RPS6KA2: variants seen among roughly 807,000 people sequenced by gnomAD.
The protein encoded by RPS6KA2 is ribosomal protein S6 kinase A2.
RPS6KA2 carries 42 observed loss-of-function variants against 91.8 expected under a neutral mutation model. The observed-to-expected ratio is 0.46, with a 90% CI of 0.36 to 0.59. The LOEUF is 0.59. Ranked by LOEUF, RPS6KA2 falls within the 20% of genes least tolerant of loss-of-function variation. RPS6KA2 has a pLI of 0.00. For synonymous variants in RPS6KA2, 414 were observed against 393.6 expected (o/e 1.05, Z -0.61); for missense variants, 798 against 978.5 (o/e 0.82, Z 2.46).
At chr6:166,522,592 G>C (rs766459974) in intron 3 of RPS6KA2, among the ~76,000 whole-genome samples, 1 of 152,150 alleles carries the variant, frequency 6.6e-6, no homozygotes, top group Admixed American at 6.5e-5. Flanking sequence ...GTGCTAGCTC[G>C]GTCTCCCCCA....
Position 166,691,180 on chromosome 6 carries a change from T to C in RPS6KA2, c.124-152396A>G, listed in dbSNP as rs546682899. Among the ~76,000 whole-genome samples the C allele has an allele frequency of 1.4e-3, 217 of 152,272 alleles. 1 individual carries two copies. Among genetic ancestry groups the C allele is most frequent in the African/African-American group, 4.4e-3 (181 of 41,562 alleles). On this transcript the variant is annotated intron_variant, in intron 2 of 21. Transcript: ENST00000503859. ...ACCTGACTCTGCCATCTGATTGCCC[T>C]GAAAATTACGGCCCCGGGTTCTAGC...
chr6:166,657,991 C>A (rs1335295303), intron 2 of RPS6KA2, among the ~76,000 whole-genome samples: 2 of 152,206 alleles, frequency 1.3e-5, no homozygotes, highest in Non-Finnish European at 2.9e-5. Context: ...TCAAGCGAGT[C>A]TCATGGCTCA....
chr6:166,413,955 CG>C, intron 19 of RPS6KA2, 24 bp from the exon 20 acceptor site: 5 of 1,607,818 alleles, frequency 3.1e-6, no homozygotes, highest in Non-Finnish European at 1.7e-6. Context: ...TCATGAGAGT[CG>C]GGGGGATGGT....
At chr6:166,422,988 G>A (rs1262350727) in intron 17 of RPS6KA2, among the ~76,000 whole-genome samples, 6 of 152,196 alleles carry the variant, frequency 3.9e-5, no homozygotes, top group African/African-American at 1.4e-4. Flanking sequence ...CATCCAAATT[G>A]TCTACAGAAG....
chr6:166,631,644 G>A (rs886913346), upstream of RPS6KA2, among the ~76,000 whole-genome samples: 9 of 151,710 alleles, frequency 5.9e-5, no homozygotes, highest in Middle Eastern at 3.2e-3. Context: ...ATTTTTTTTC[G>A]TCCCTCTGCC....
At chr6:166,467,139 CTCAT>C (rs542208993) in intron 11 of RPS6KA2, among the ~76,000 whole-genome samples, 1 of 152,078 alleles carries the variant, frequency 6.6e-6, no homozygotes, top group Non-Finnish European at 1.5e-5. Flanking sequence ...CACTCATTAA[CTCAT>C]TCATTCACTC....
chr6:166,855,154 A>G (rs551415803), intron 2 of RPS6KA2, among the ~76,000 whole-genome samples: 1 of 152,258 alleles, frequency 6.6e-6, no homozygotes, highest in Admixed American at 6.5e-5. Flanking sequence ...ATAGAGGGGG[A>G]AGAGTAAACA....
chr6:166,470,660 C>T (rs886569527), intron 10 of RPS6KA2, among the ~76,000 whole-genome samples: 1 of 152,094 alleles, frequency 6.6e-6, no homozygotes, highest in Non-Finnish European at 1.5e-5. Context: ...CGCCACTGTC[C>T]CCCCAGAACG....
intron 2 of RPS6KA2, among the ~76,000 whole-genome samples, chr6:166,706,704 C>A (rs1199123784): frequency 6.6e-6 from 1 of 152,172 alleles, no homozygotes; most frequent in African/African-American, 2.4e-5. Context: ...ACGCACAGTA[C>A]CCAGGGGGAA....
chr6:166,797,621 AG>A (rs910448537), intron 2 of RPS6KA2, among the ~76,000 whole-genome samples: 6 of 152,148 alleles, frequency 3.9e-5, no homozygotes, highest in African/African-American at 1.4e-4. Context: ...ATCCTCATAC[AG>A]GTCTTCATCC....
intron 2 of RPS6KA2, among the ~76,000 whole-genome samples, chr6:166,678,739 CG>C (rs1463532766): frequency 1.3e-5 from 2 of 152,142 alleles, no homozygotes; most frequent in Admixed American, 1.3e-4. Flanking sequence ...GGCTGGCAAG[CG>C]ACAAAGAAAG....
chr6:166,669,423 T>C (rs1788412013), intron 2 of RPS6KA2, among the ~76,000 whole-genome samples: 1 of 152,194 alleles, frequency 6.6e-6, no homozygotes, highest in Non-Finnish European at 1.5e-5. Context: ...GTCAACACAC[T>C]GTCTGATCCC....
At chr6:166,623,085 TCA>T (rs1340309660) in intron 1 of RPS6KA2, among the ~76,000 whole-genome samples, 2 of 152,248 alleles carry the variant, frequency 1.3e-5, no homozygotes, top group Non-Finnish European at 2.9e-5. Context: ...TCTTCCTCAT[TCA>T]CTCCCTACTG....
intron 2 of RPS6KA2, among the ~76,000 whole-genome samples, chr6:166,673,651 A>G (rs1265181377): frequency 6.6e-6 from 1 of 152,286 alleles, no homozygotes; most frequent in Non-Finnish European, 1.5e-5. Context: ...CGCAGCCTGC[A>G]GGCGGCACGC....
intron 2 of RPS6KA2, among the ~76,000 whole-genome samples, chr6:166,850,051 C>T (rs984146540): frequency 6.6e-6 from 1 of 152,190 alleles, no homozygotes; most frequent in South Asian, 2.1e-4. Context: ...TTGGTGGCCA[C>T]TCAACGTGCA....
chr6:166,714,537 G>A (rs114795503), intron 2 of RPS6KA2, among the ~76,000 whole-genome samples: 26 of 152,336 alleles, frequency 1.7e-4, no homozygotes, highest in African/African-American at 6.0e-4. Context: ...TCACTGGGGT[G>A]AGCCCTAACT....
intron 1 of RPS6KA2, among the ~76,000 whole-genome samples, chr6:166,547,180 G>C (rs1343654373): frequency 6.6e-6 from 1 of 152,190 alleles, no homozygotes. Flanking sequence ...TGGGGTAAGA[G>C]AGGCCGGTGA....
rs1784131733 is a variant in RPS6KA2 at position 166,554,849 on chromosome 6, T to C, written c.100-16065A>G. ...CCACAGCAAGTCAGAAATACAGAGATTGCCCACCGCATGAAAAATGTCTCC... is the reference window on the plus strand; with the variant it reads ...CCACAGCAAGTCAGAAATACAGAGACTGCCCACCGCATGAAAAATGTCTCC... On this transcript the variant is annotated intron_variant, in intron 1 of 20. Coordinates refer to ENST00000265678, the MANE Select transcript of RPS6KA2 (RefSeq NM_021135.6). The surrounding 1 kb of genome is among the most constrained non-coding windows in gnomAD (Gnocchi z 4.3). Among the ~76,000 whole-genome samples, 1 of 152,194 alleles carries C rather than the reference T, an allele frequency of 6.6e-6. No homozygotes were observed. The highest frequency in any genetic ancestry group is 1.9e-4 in the East Asian group (1 of 5,196).
At chr6:166,477,969 T>C (rs139352328) in intron 10 of RPS6KA2, among the ~76,000 whole-genome samples, 91 of 152,346 alleles carry the variant, frequency 6.0e-4, no homozygotes, top group African/African-American at 2.1e-3. Flanking sequence ...GCTGCAAGAA[T>C]AGATCTGAAT....
Sources: gnomAD v4.1 joint callset for allele counts (sites outside exome capture counted in the v4.1 genomes callset) on GRCh38, gnomAD v4.1.1 for gene constraint, Gnocchi (gnomAD v3.1) non-coding constraint, MANE v1.5 for transcripts, NCBI Gene and HGNC (gene_info 2026-07-23, HGNC 2026-07-21) for gene names.